The following TMEM117 variants were observed in gnomAD, a reference collection of about 807,000 sequenced individuals.
TMEM117 encodes transmembrane protein 117.
In TMEM117, 27 loss-of-function variants were observed where a neutral mutation model predicts 52.4. The ratio of observed to expected loss-of-function variants is 0.51; its 90% CI spans 0.38 to 0.71. The LOEUF (loss-of-function observed/expected upper bound fraction) is 0.71, where lower values mean the gene tolerates loss of function less well. Ranked by LOEUF, TMEM117 falls within the 30% of genes least tolerant of loss-of-function variation. The probability of loss-of-function intolerance (pLI) is 0.00; values close to 1 mark genes in which losing one functional copy is unlikely to be tolerated. For missense variants in TMEM117, 556 were observed against 630.5 expected, an observed-to-expected ratio of 0.88 and a Z score of 1.26; for synonymous variants, 215 against 206.3, an observed-to-expected ratio of 1.04 and a Z score of -0.36.
chr12:43,963,905 C>T (rs897403033), intron 3 of TMEM117, among the ~76,000 whole-genome samples: 1 of 152,152 alleles, frequency 6.6e-6, no homozygotes, highest in African/African-American at 2.4e-5. Flanking sequence ...TACAGACTCC[C>T]AGCCATTGAA....
intron 5 of TMEM117, among the ~76,000 whole-genome samples, chr12:44,288,099 A>T (rs973382406): frequency 2.6e-5 from 4 of 152,238 alleles, no homozygotes; most frequent in Admixed American, 2.6e-4. Context: ...CTGAATTATC[A>T]TAGCATGGTG....
rs141533736 is a variant in TMEM117 at position 44,161,714 on chromosome 12, A to G, written c.510+18090A>G. ...AAGGACTTATCACATGTTGTCTGTT[A>G]TTATTACCATATGATAATTTTGTTT... On this transcript the variant is annotated intron_variant, in intron 4 of 7. Transcript: ENST00000266534. 2.2e-3 allele frequency among the ~76,000 whole-genome samples: 339 copies of G among 152,282 alleles called. 4 individuals are homozygous for G. Among genetic ancestry groups the G allele is most frequent in the African/African-American group, 7.8e-3 (326 of 41,564 alleles).
intron 2 of TMEM117, among the ~76,000 whole-genome samples, chr12:43,920,495 A>G (rs1199284928): frequency 6.6e-6 from 1 of 151,032 alleles, no homozygotes; most frequent in Non-Finnish European, 1.5e-5. Context: ...CCTGGGTGAC[A>G]GACTGAGACT....
At chr12:44,396,623 G>A in the TMEM117 span, among the ~76,000 whole-genome samples, 1 of 152,130 alleles carries the variant, frequency 6.6e-6, no homozygotes, top group South Asian at 2.1e-4. Context: ...GGAGGCCAAG[G>A]CAGGCAGATC....
At chr12:44,098,604 G>A (rs1352050642) in intron 3 of TMEM117, among the ~76,000 whole-genome samples, 1 of 151,876 alleles carries the variant, frequency 6.6e-6, no homozygotes, top group Non-Finnish European at 1.5e-5. Context: ...GTCTACTAAG[G>A]GTATATCCCT....
chr12:44,025,643 C>T (rs926319066), intron 3 of TMEM117, among the ~76,000 whole-genome samples: 37 of 151,662 alleles, frequency 2.4e-4, no homozygotes, highest in Admixed American at 1.6e-3. Context: ...GTTGTATTTT[C>T]GAAAAAAAAT....
At chr12:44,167,239 T>G (rs1948980186) in intron 4 of TMEM117, among the ~76,000 whole-genome samples, 1 of 152,202 alleles carries the variant, frequency 6.6e-6, no homozygotes, top group African/African-American at 2.4e-5. Flanking sequence ...TGATTCTGAA[T>G]GTATTGTAGT....
intron 5 of TMEM117, among the ~76,000 whole-genome samples, chr12:44,251,301 G>C (rs1230285738): frequency 6.6e-6 from 1 of 152,180 alleles, no homozygotes. Flanking sequence ...TCCCAGGGAG[G>C]CATTTAAAAT....
intron 2 of TMEM117, among the ~76,000 whole-genome samples, chr12:43,866,219 T>C (rs1289854438): frequency 6.6e-6 from 1 of 151,776 alleles, no homozygotes; most frequent in African/African-American, 2.4e-5. Flanking sequence ...TAATTTCTTA[T>C]CACGAACAAG....
chr12:44,214,356 C>CA (rs1431678327), intron 5 of TMEM117, among the ~76,000 whole-genome samples: 3 of 151,670 alleles, frequency 2.0e-5, no homozygotes, highest in Non-Finnish European at 4.4e-5. Flanking sequence ...TTAGCAGAGA[C>CA]AGGGTTTTGC....
At chr12:44,298,659 T>TG (rs144940589) in intron 5 of TMEM117, among the ~76,000 whole-genome samples, 4,434 of 150,950 alleles carry the variant, frequency 0.029, 528 homozygotes, top group African/African-American at 0.1. Flanking sequence ...CAAGATTTTA[T>TG]GGGGGCTACA....
At chr12:44,007,522 TC>T (rs1488784686) in intron 3 of TMEM117, among the ~76,000 whole-genome samples, 2 of 152,172 alleles carry the variant, frequency 1.3e-5, no homozygotes, top group Non-Finnish European at 2.9e-5. Context: ...TCTCAACCCT[TC>T]ATTACAATGG....
chr12:44,360,224 G>T (rs1408352358), intron 6 of TMEM117, among the ~76,000 whole-genome samples: 1 of 152,080 alleles, frequency 6.6e-6, no homozygotes, highest in East Asian at 1.9e-4. Flanking sequence ...TGACATGTGT[G>T]TATTACTGTT....
intron 3 of TMEM117, among the ~76,000 whole-genome samples, chr12:44,101,720 G>C (rs997410799): frequency 1.4e-4 from 22 of 152,024 alleles, no homozygotes; most frequent in African/African-American, 5.1e-4. Flanking sequence ...GTCATTTTCT[G>C]TTTCTGTCTT....
chr12:44,057,985 T>C (rs894939859), intron 3 of TMEM117, among the ~76,000 whole-genome samples: 2 of 152,230 alleles, frequency 1.3e-5, no homozygotes, highest in African/African-American at 4.8e-5. Context: ...CCCAATTTTA[T>C]TTAACCAAGA....
At chr12:44,280,439 G>T (rs1950563834) in intron 5 of TMEM117, among the ~76,000 whole-genome samples, 1 of 152,018 alleles carries the variant, frequency 6.6e-6, no homozygotes, top group Non-Finnish European at 1.5e-5. Flanking sequence ...TTGTCTTCCT[G>T]CCTGCAGTAT....
At chr12:44,106,874 A>G (rs1171543898) in intron 3 of TMEM117, among the ~76,000 whole-genome samples, 2 of 152,032 alleles carry the variant, frequency 1.3e-5, no homozygotes, top group Admixed American at 1.3e-4. Context: ...ATGGAAATGT[A>G]TACATATATT....
At chr12:44,374,160 A>C (rs537195061) in intron 6 of TMEM117, among the ~76,000 whole-genome samples, 1 of 152,218 alleles carries the variant, frequency 6.6e-6, no homozygotes, top group East Asian at 1.9e-4. Flanking sequence ...TTTCTGCTCC[A>C]AGTCAAATTA....
rs538453399 is a variant in TMEM117 at position 44,303,191 on chromosome 12, G to GCAC, written c.768+3458_768+3460dup. On this transcript the variant is annotated intron_variant, in intron 6 of 7. Coordinates refer to ENST00000266534, the MANE Select transcript of TMEM117 (RefSeq NM_032256.3). The stretch of plus-strand genomic sequence containing the variant: ...CCCAGGTAGCTGGGATTACAGGCAT[G>GCAC]CACCACCATACCTGGCTAATTTTGT... 6.0e-3 allele frequency among the ~76,000 whole-genome samples: 908 copies of GCAC among 152,046 alleles called. 7 individuals carry two copies. Among genetic ancestry groups the GCAC allele is most frequent in the African/African-American group, 0.02 (842 of 41,478 alleles).
Sources: allele counts gnomAD v4.1 joint callset (sites outside exome capture counted in the v4.1 genomes callset), GRCh38; gene constraint gnomAD v4.1.1; transcripts MANE v1.5; gene names NCBI Gene and HGNC (gene_info 2026-07-23, HGNC 2026-07-21).